The following LMNTD1 variants were observed in gnomAD, a reference collection of about 807,000 sequenced individuals.
LMNTD1 encodes the protein lamin tail domain-containing protein 1.
LMNTD1 carries 35 observed loss-of-function variants against 50.9 expected under a neutral mutation model. The observed-to-expected ratio is 0.69, with a 90% CI of 0.53 to 0.91. The LOEUF is 0.91. LMNTD1 is among the 40% of genes least tolerant of loss of function. LMNTD1 has a pLI of 0.00. For missense variants in LMNTD1, 470 were observed against 475.5 expected, an observed-to-expected ratio of 0.99 and a Z score of 0.11; for synonymous variants, 153 against 161.9, an observed-to-expected ratio of 0.94 and a Z score of 0.42.
chr12:25,581,885 A>G (rs1945307387), intron 1 of LMNTD1, among the ~76,000 whole-genome samples: 1 of 152,250 alleles, frequency 6.6e-6, no homozygotes, highest in Non-Finnish European at 1.5e-5. Context: ...ACATAGAAAG[A>G]CTACAGTAAA....
chr12:25,598,073 T>C (rs1237441655), intron 1 of LMNTD1, among the ~76,000 whole-genome samples: 2 of 152,240 alleles, frequency 1.3e-5, no homozygotes, highest in African/African-American at 2.4e-5. Flanking sequence ...CCTGCCACCA[T>C]GTAAGACAAC....
chr12:25,530,841 A>T (rs1942175964), intron 4 of LMNTD1, among the ~76,000 whole-genome samples: 1 of 152,238 alleles, frequency 6.6e-6, no homozygotes, highest in African/African-American at 2.4e-5. Flanking sequence ...ATATAACTAA[A>T]GTTATGAATG....
intron 1 of LMNTD1, among the ~76,000 whole-genome samples, chr12:25,595,906 T>C (rs936698768): frequency 6.6e-6 from 1 of 152,038 alleles, no homozygotes; most frequent in Non-Finnish European, 1.5e-5. Context: ...AAATGGGAGA[T>C]ATTATAAATG....
At chr12:25,631,605 A>G (rs1946721188) in intron 1 of LMNTD1, among the ~76,000 whole-genome samples, 1 of 152,214 alleles carries the variant, frequency 6.6e-6, no homozygotes, top group Non-Finnish European at 1.5e-5. Flanking sequence ...GGGGAAGAGT[A>G]CTACATCAAG....
chr12:25,623,048 G>T (rs1432929058), intron 1 of LMNTD1, among the ~76,000 whole-genome samples: 1 of 152,052 alleles, frequency 6.6e-6, no homozygotes. Flanking sequence ...AATAAGAAAT[G>T]CTGTCTCCCT....
chr12:25,529,999 A>G (rs1445578329), intron 4 of LMNTD1, among the ~76,000 whole-genome samples: 1 of 152,048 alleles, frequency 6.6e-6, no homozygotes, highest in African/African-American at 2.4e-5. Flanking sequence ...CCATGTCCTT[A>G]TAAACACTTC....
At chr12:25,577,378 G>A (rs1945072655) in intron 1 of LMNTD1, among the ~76,000 whole-genome samples, 1 of 152,162 alleles carries the variant, frequency 6.6e-6, no homozygotes, top group South Asian at 2.1e-4. Flanking sequence ...GCAGTGGTTT[G>A]TAGTCCTCCT....
At chr12:25,535,040 C>A (rs1287402150) in intron 4 of LMNTD1, among the ~76,000 whole-genome samples, 1 of 151,976 alleles carries the variant, frequency 6.6e-6, no homozygotes, top group Non-Finnish European at 1.5e-5. Flanking sequence ...AAAAATACAA[C>A]CCATAACAAG....
At position 25,541,908 on chromosome 12, in the gene LMNTD1, G is replaced by A. The variant is rs539372143; in HGVS notation, c.491+4466C>T. Among the ~76,000 whole-genome samples, 44 of 151,544 alleles carry A rather than the reference G, an allele frequency of 2.9e-4. No individual in the cohort carries two copies. The South Asian group carries it at 4.0e-3, about 14-fold the overall frequency. On this transcript the variant is annotated intron_variant, in intron 4 of 9. Transcript: ENST00000458174. ...CAAACAACCCCATCAAAAAGTGGGCGAAGGACATGAACAGACACTTCTCAA... is the reference window on the plus strand; with the variant it reads ...CAAACAACCCCATCAAAAAGTGGGCAAAGGACATGAACAGACACTTCTCAA...
chr12:25,620,598 C>G (rs1174930501), intron 1 of LMNTD1, among the ~76,000 whole-genome samples: 19 of 152,146 alleles, frequency 1.2e-4, no homozygotes, highest in Admixed American at 1.2e-3. Context: ...TTCCACGTGT[C>G]TATGATCCAG....
intron 9 of LMNTD1, among the ~76,000 whole-genome samples, chr12:25,503,415 T>C (rs778667193): frequency 6.6e-6 from 1 of 152,184 alleles, no homozygotes; most frequent in Non-Finnish European, 1.5e-5. Flanking sequence ...CTGGTGTAGT[T>C]GCAGAGTTGT....
At chr12:25,638,384 G>A (rs1032217813) in intron 1 of LMNTD1, among the ~76,000 whole-genome samples, 4 of 152,144 alleles carry the variant, frequency 2.6e-5, no homozygotes, top group Admixed American at 2.6e-4. Context: ...ATATTGAAAA[G>A]AAAGAAGTAG....
chr12:25,486,935 A>G (rs1287707060), intron 9 of LMNTD1, among the ~76,000 whole-genome samples: 1 of 152,138 alleles, frequency 6.6e-6, no homozygotes, highest in East Asian at 1.9e-4. Flanking sequence ...TTTTGCATCA[A>G]TGTTCATCAA....
chr12:25,527,640 CTATATATATATATATATATATATA>C lies in LMNTD1; in HGVS notation c.492-709_492-686del, dbSNP rs61347000. Among the ~76,000 whole-genome samples, 60 of 61,730 alleles carry C rather than the reference CTATATATATATATATATATATATA, an allele frequency of 9.7e-4. 2 individuals are homozygous for C. The highest frequency in any genetic ancestry group is 1.9e-3 in the African/African-American group (31 of 16,004). The allele number at this position is 61,730 out of a possible 152,430, so 40.5% of individuals were successfully genotyped here. On this transcript the variant is annotated intron_variant, in intron 4 of 9. Transcript: ENST00000458174. ...CTTATATGCCAGGCACTTAATAACA[CTATATATATATATATATATATATA>C]TATATATATATATATATACACACAC...
intron 1 of LMNTD1, among the ~76,000 whole-genome samples, chr12:25,615,951 A>C (rs1946344406): frequency 6.6e-6 from 1 of 152,176 alleles, no homozygotes; most frequent in East Asian, 1.9e-4. Context: ...ATGTATATTC[A>C]ACACACATTT....
intron 1 of LMNTD1, among the ~76,000 whole-genome samples, chr12:25,608,084 T>C (rs1946155381): frequency 6.6e-6 from 1 of 152,180 alleles, no homozygotes; most frequent in Admixed American, 6.5e-5. Context: ...TTTACCATTA[T>C]GTAATGGCCT....
intron 8 of LMNTD1, among the ~76,000 whole-genome samples, chr12:25,508,919 G>T (rs1355079653): frequency 6.6e-6 from 1 of 152,076 alleles, no homozygotes; most frequent in Non-Finnish European, 1.5e-5. Flanking sequence ...TGGGTATGGA[G>T]TGAATATTTT....
At chr12:25,491,617 A>G (rs961520579) in intron 9 of LMNTD1, among the ~76,000 whole-genome samples, 10 of 152,270 alleles carry the variant, frequency 6.6e-5, no homozygotes, top group African/African-American at 1.4e-4. Context: ...GGCTGGACAC[A>G]TACAGTCTTG....
chr12:25,622,829 G>A (rs1946504902), intron 1 of LMNTD1, among the ~76,000 whole-genome samples: 1 of 151,728 alleles, frequency 6.6e-6, no homozygotes, highest in East Asian at 1.9e-4. Context: ...TAAAATAGAT[G>A]TTTGAAGTCT....
Sources: allele counts gnomAD v4.1 joint callset (sites outside exome capture counted in the v4.1 genomes callset), GRCh38; gene constraint gnomAD v4.1.1; transcripts MANE v1.5; gene names NCBI Gene and HGNC (gene_info 2026-07-23, HGNC 2026-07-21).